GRAMD1C: variants seen among roughly 807,000 people sequenced by gnomAD.
The protein encoded by GRAMD1C is protein Aster-C.
A neutral mutation model predicts 97.8 loss-of-function variants in GRAMD1C; 89 were observed. The ratio of observed to expected loss-of-function variants is 0.91; its 90% confidence interval spans 0.77 to 1.09. The LOEUF is 1.09. GRAMD1C is among the 50% of genes least tolerant of loss of function. GRAMD1C has a pLI of 0.00. For missense variants in GRAMD1C, 740 were observed against 766.4 expected, an observed-to-expected ratio of 0.97 and a Z score of 0.41; for synonymous variants, 256 against 267.0, an observed-to-expected ratio of 0.96 and a Z score of 0.40.
intron 2 of GRAMD1C, among the ~76,000 whole-genome samples, chr3:113,864,959 T>G (rs1934529269): frequency 6.6e-6 from 1 of 152,184 alleles, no homozygotes; most frequent in South Asian, 2.1e-4. Flanking sequence ...TACCCTGTTT[T>G]CTGTTGCTAT....
chr3:113,913,429 CAA>C (rs765510213), intron 9 of GRAMD1C, among the ~76,000 whole-genome samples: 9,321 of 67,968 alleles, frequency 0.14, 178 homozygotes, highest in Non-Finnish European at 0.16. Flanking sequence ...ACTCTGTCTC[CAA>C]AAAAAAAAAA....
At chr3:113,846,164 T>C (rs1266562191) in intron 2 of GRAMD1C, among the ~76,000 whole-genome samples, 1 of 151,918 alleles carries the variant, frequency 6.6e-6, no homozygotes, top group Non-Finnish European at 1.5e-5. Flanking sequence ...CAGAGTACAA[T>C]GGTATGATCT....
At chr3:113,850,280 A>G in intron 2 of GRAMD1C, 1 of 676,776 alleles carries the variant, frequency 1.5e-6, no homozygotes, top group East Asian at 3.1e-5. Context: ...TCTGCCTTTA[A>G]ACTGGAATTC....
At chr3:113,849,282 T>G (rs964421995) in intron 2 of GRAMD1C, among the ~76,000 whole-genome samples, 8 of 149,234 alleles carry the variant, frequency 5.4e-5, no homozygotes, top group Non-Finnish European at 1.2e-4. Flanking sequence ...TTTATTTATT[T>G]ATTTATTTAT....
chr3:113,848,625 T>C (rs1228003308), intron 2 of GRAMD1C, among the ~76,000 whole-genome samples: 1 of 151,998 alleles, frequency 6.6e-6, no homozygotes, highest in African/African-American at 2.4e-5. Context: ...AGCAACATAG[T>C]AAGACCCCCA....
chr3:113,862,731 A>G (rs1265566297), intron 2 of GRAMD1C, among the ~76,000 whole-genome samples: 1 of 152,212 alleles, frequency 6.6e-6, no homozygotes, highest in Non-Finnish European at 1.5e-5. Flanking sequence ...TTCACAATTT[A>G]TGTTCAGAGA....
intron 6 of GRAMD1C, among the ~76,000 whole-genome samples, chr3:113,887,100 T>TG (rs1252093839): frequency 1.4e-5 from 2 of 139,990 alleles, no homozygotes; most frequent in African/African-American, 5.4e-5. Flanking sequence ...TTTTTTGTTT[T>TG]TTTTTTTTTT....
intron 8 of GRAMD1C, among the ~76,000 whole-genome samples, chr3:113,906,378 T>C (rs1344882062): frequency 6.6e-6 from 1 of 152,212 alleles, no homozygotes; most frequent in Non-Finnish European, 1.5e-5. Context: ...GCAGTGATAT[T>C]CATGATCCTG....
At chr3:113,847,270 C>A (rs1015592371) in intron 2 of GRAMD1C, among the ~76,000 whole-genome samples, 1 of 152,064 alleles carries the variant, frequency 6.6e-6, no homozygotes, top group Non-Finnish European at 1.5e-5. Context: ...CAAAACATTA[C>A]AAGAGACATG....
At chr3:113,885,286 G>C in intron 6 of GRAMD1C, 5 of 1,465,102 alleles carry the variant, frequency 3.4e-6, no homozygotes, top group Non-Finnish European at 4.7e-6. Context: ...CGGCGGTGCC[G>C]GGGTCATCCG....
chr3:113,839,452 C>CG (rs1227065123), intron 1 of GRAMD1C, among the ~76,000 whole-genome samples: 1 of 152,148 alleles, frequency 6.6e-6, no homozygotes, highest in African/African-American at 2.4e-5. Context: ...TTTTGTTGGA[C>CG]GGGCGCCTGC....
intron 2 of GRAMD1C, among the ~76,000 whole-genome samples, chr3:113,864,762 ATCT>A (rs1434026291): frequency 4.6e-5 from 7 of 152,046 alleles, no homozygotes; most frequent in African/African-American, 1.4e-4. Flanking sequence ...ACTTTCCCTA[ATCT>A]TCTTGTTTTC....
chr3:113,835,949 A>C (rs1709624462), upstream of GRAMD1C, among the ~76,000 whole-genome samples: 1 of 152,160 alleles, frequency 6.6e-6, no homozygotes, highest in South Asian at 2.1e-4. Flanking sequence ...TTTGTCCTTT[A>C]GTATGTCATA....
intron 13 of GRAMD1C, among the ~76,000 whole-genome samples, chr3:113,934,889 G>C (rs1227207458): frequency 2.6e-5 from 4 of 151,924 alleles, no homozygotes; most frequent in Non-Finnish European, 5.9e-5. Context: ...GACTACAGGC[G>C]TGTGCCACCA....
rs1428072820 is a variant in GRAMD1C, at chr3:113,946,898, G to C, written c.*1420G>C. On this transcript the variant is annotated 3_prime_UTR_variant, in exon 18 of 18. Transcript: ENST00000358160. Reference sequence around the variant, plus strand: ...GGTAACAGTGAACCTACCTGGGTTTGTTTTGTTTTGGTAAGGATTTATGTA... The same window carrying C: ...GGTAACAGTGAACCTACCTGGGTTTCTTTTGTTTTGGTAAGGATTTATGTA... The C allele has an allele frequency of 6.6e-6, 1 of 152,174 alleles. No individual in the cohort carries two copies. Among genetic ancestry groups the C allele is most frequent in the Non-Finnish European group, 1.5e-5 (1 of 68,018 alleles). 9.4% of individuals were successfully genotyped at this position (152,174 alleles called of 1,614,324 possible).
chr3:113,943,560 G>C lies in GRAMD1C; in HGVS notation c.1909-1838G>C, dbSNP rs529162944. Among the ~76,000 whole-genome samples, 3 of 152,224 alleles carry C rather than the reference G, an allele frequency of 2.0e-5. No homozygotes were observed. The South Asian group carries it at 6.2e-4, about 32-fold the overall frequency. ...ATATACATGGAATAATACAATACGT[G>C]GTCTTTTGAGATTGGCTTCTTTCAC... On this transcript the variant is annotated intron_variant, in intron 17 of 17. Transcript: ENST00000358160.
chr3:113,905,823 G>C (rs1397701756), intron 8 of GRAMD1C, among the ~76,000 whole-genome samples: 2 of 152,084 alleles, frequency 1.3e-5, no homozygotes, highest in African/African-American at 4.8e-5. Context: ...AGCCTCCTGA[G>C]TAGCTGGGAC....
At chr3:113,887,096 G>GTTTT (rs59820635) in intron 6 of GRAMD1C, among the ~76,000 whole-genome samples, 5 of 94,058 alleles carry the variant, frequency 5.3e-5, no homozygotes, top group Non-Finnish European at 8.3e-5. Context: ...TTTTTTTTTT[G>GTTTT]TTTTTTTTTT....
Position 113,915,844 on chromosome 3 carries a change from T to C in GRAMD1C, c.1090+6T>C. ...CAGTTCTAGAAATATAATAGGTTAG[T>C]CCTTGTGTTCTTACCTAATGATAAA... On this transcript the variant is annotated splice_donor_region_variant and intron_variant, in intron 10 of 17. Coordinates refer to ENST00000358160, the MANE Select transcript of GRAMD1C (RefSeq NM_017577.5). 6.3e-7 allele frequency: 1 copy of C among 1,596,948 alleles called. No homozygotes were observed. Among genetic ancestry groups the C allele is most frequent in the Middle Eastern group, 1.7e-4 (1 of 6,026 alleles).
Sources: allele counts gnomAD v4.1 joint callset (sites outside exome capture counted in the v4.1 genomes callset), GRCh38; gene constraint gnomAD v4.1.1; transcripts MANE v1.5; gene names NCBI Gene and HGNC (gene_info 2026-07-23, HGNC 2026-07-21).